The following NUP214 variants were observed in gnomAD, a reference collection of about 807,000 sequenced individuals.
NUP214 encodes nucleoporin 214, also known as nuclear pore complex protein Nup214.
NUP214 carries 79 observed loss-of-function variants against 196.2 expected under a neutral mutation model. The ratio of observed to expected loss-of-function variants is 0.40; its 90% CI spans 0.34 to 0.49. The LOEUF is 0.49. NUP214 is among the 20% of genes least tolerant of loss of function. The pLI is 0.58. For synonymous variants in NUP214, 1,020 were observed against 990.5 expected, an observed-to-expected ratio of 1.03 and a Z score of -0.56; for missense variants, 2,468 against 2,539.0, an observed-to-expected ratio of 0.97 and a Z score of 0.60.
At chr9:131,129,643 C>T (rs1043508832) in intron 4 of NUP214, among the ~76,000 whole-genome samples, 166 bp downstream of exon 4, 3 of 151,870 alleles carry the variant, frequency 2.0e-5, no homozygotes, top group Non-Finnish European at 4.4e-5. Flanking sequence ...CTCACTGTGT[C>T]GCCCAGGCTG....
At chr9:131,230,809 T>TC (rs1469301871) in intron 34 of NUP214, 40 bp downstream of exon 34, 2 of 1,596,570 alleles carry the variant, frequency 1.3e-6, no homozygotes. Flanking sequence ...GCAAAATGGG[T>TC]CCCTCTTGCC....
Position 131,139,255 on chromosome 9 carries a change from CTTTTTTTTTTTTTT to C in NUP214, c.1006-16_1006-3del, listed in dbSNP as rs200377608. On this transcript the variant is annotated splice_polypyrimidine_tract_variant and intron_variant, in intron 9 of 35. Coordinates refer to ENST00000359428, the MANE Select transcript of NUP214 (RefSeq NM_005085.4). The stretch of plus-strand genomic sequence containing the variant: ...CTTTTTCTTTTTTCTTCTTCTTCTT[CTTTTTTTTTTTTTT>C]TTTTTTTTTAGATTAATTGGGAATC... 3.8e-5 allele frequency: 41 copies of C among 1,093,060 alleles called. No individual in the cohort carries two copies. The South Asian group carries it at 3.8e-4, about 10-fold the overall frequency. The allele number at this position is 1,093,060 out of a possible 1,614,324, so 67.7% of individuals were successfully genotyped here.
chr9:131,223,727 A>ATTTATTTATTTATTTATTTATTTATTTT, intron 32 of NUP214, among the ~76,000 whole-genome samples: 1 of 15,660 alleles, frequency 6.4e-5, no homozygotes, highest in African/African-American at 1.5e-4. Flanking sequence ...TTATTTATTT[A>ATTTATTTATTTATTTATTTATTTATTTT]TTTTTTTTTT....
chr9:131,228,038 A>C, intron 32 of NUP214, 122 bp from the exon 33 acceptor site: 2 of 931,658 alleles, frequency 2.1e-6, no homozygotes, highest in Non-Finnish European at 3.0e-6. Context: ...TTGAATTGCT[A>C]ACATCCTCTT....
At chr9:131,196,300 A>G (rs1833789088) in intron 28 of NUP214, among the ~76,000 whole-genome samples, 1 of 151,750 alleles carries the variant, frequency 6.6e-6, no homozygotes, top group Non-Finnish European at 1.5e-5. Flanking sequence ...CTGGGATTAC[A>G]GGCGCCCACC....
At chr9:131,228,388 G>C (rs1254644285) in intron 33 of NUP214, 57 bp downstream of exon 33, 1 of 1,499,880 alleles carries the variant, frequency 6.7e-7, no homozygotes, top group Non-Finnish European at 8.9e-7. Flanking sequence ...AAGCACTAGG[G>C]GCCTGTACTC....
chr9:131,187,680 C>T (rs1833493122), intron 25 of NUP214, among the ~76,000 whole-genome samples: 1 of 152,214 alleles, frequency 6.6e-6, no homozygotes, highest in African/African-American at 2.4e-5. Flanking sequence ...AGCCACCGTA[C>T]CCGGCCTGAG....
rs1176857999 is a variant in NUP214, at chr9:131,233,697, T to A, written c.*210T>A. Reference sequence around the variant, plus strand: ...CCCTCCCACTATTAAACAGTCTGTTTCCGTACAGAACGTATGTGGGTTTTT... The same window carrying A: ...CCCTCCCACTATTAAACAGTCTGTTACCGTACAGAACGTATGTGGGTTTTT... On this transcript the variant is annotated 3_prime_UTR_variant, in exon 36 of 36. Transcript: ENST00000359428. 3.2e-6 allele frequency: 2 copies of A among 632,522 alleles called. No individual in the cohort carries two copies. Among genetic ancestry groups the A allele is most frequent in the African/African-American group, 3.6e-5 (2 of 55,734 alleles). 39.2% of individuals were successfully genotyped at this position (632,522 alleles called of 1,614,324 possible).
intron 24 of NUP214, among the ~76,000 whole-genome samples, chr9:131,183,908 CT>C (rs1398831217): frequency 2.0e-5 from 3 of 151,208 alleles, no homozygotes; most frequent in Admixed American, 6.6e-5. Flanking sequence ...ATGCATGCTG[CT>C]TTGTAAATTT....
chr9:131,128,294 C>CAT lies in NUP214; in HGVS notation c.242-36_242-35dup, dbSNP rs576649912. On this transcript the variant is annotated intron_variant, in intron 2 of 35. Coordinates refer to ENST00000359428, the MANE Select transcript of NUP214 (RefSeq NM_005085.4). Reference sequence around the variant, plus strand: ...AGAGGTTGTGGCTTTATGCTTAGAACATACCGTTTTCTGCTTTGTATTTTT... The same window carrying CAT: ...AGAGGTTGTGGCTTTATGCTTAGAACATATACCGTTTTCTGCTTTGTATTTTT... 1.5e-4 allele frequency: 238 copies of CAT among 1,590,710 alleles called. 2 individuals are homozygous for CAT. In the South Asian group the frequency reaches 1.8e-3, roughly 12 times the overall value.
intron 28 of NUP214, 144 bp from the exon 29 acceptor site, chr9:131,197,072 T>G: frequency 8.9e-7 from 1 of 1,126,112 alleles, no homozygotes; most frequent in Non-Finnish European, 1.3e-6. Flanking sequence ...TTCCACCTCC[T>G]TAGAGAAAGC....
At chr9:131,204,691 A>G (rs1165726165) in intron 30 of NUP214, among the ~76,000 whole-genome samples, 1 of 152,212 alleles carries the variant, frequency 6.6e-6, no homozygotes, top group Non-Finnish European at 1.5e-5. Flanking sequence ...ATCCTGTAGG[A>G]GAAAATCCAA....
At chr9:131,165,074 T>G (rs912544997) in intron 21 of NUP214, 1 of 152,168 alleles carries the variant, frequency 6.6e-6, no homozygotes, top group African/African-American at 2.4e-5. Flanking sequence ...TTTCTTTACC[T>G]AAAGAATACA....
chr9:131,210,031 C>T (rs1302456553), intron 30 of NUP214, among the ~76,000 whole-genome samples: 2 of 152,196 alleles, frequency 1.3e-5, no homozygotes, highest in African/African-American at 4.8e-5. Flanking sequence ...CAGATCAACC[C>T]TTAGTGAAAT....
intron 31 of NUP214, among the ~76,000 whole-genome samples, chr9:131,216,442 G>T: frequency 6.9e-6 from 1 of 145,542 alleles, no homozygotes; most frequent in Non-Finnish European, 1.5e-5. Context: ...TTAGCCAGGA[G>T]GTCTCGATCT....
rs528695111 is a variant in NUP214 at position 131,187,383 on chromosome 9, C to CTTTTTT, written c.3495+35_3495+40dup. ...CAAGCAGGTAACTTACTGATTTTTA[C>CTTTTTT]TTTTTTTTTTTTTTTTTTTTTGAGA... is the stretch of plus-strand genomic sequence containing the variant. On this transcript the variant is annotated intron_variant, in intron 25 of 35. Coordinates refer to ENST00000359428, the MANE Select transcript of NUP214 (RefSeq NM_005085.4). The CTTTTTT allele has an allele frequency of 9.4e-5, 99 of 1,056,438 alleles. No homozygotes were observed. The highest frequency in any genetic ancestry group is 2.3e-4 in the South Asian group (14 of 60,584). 65.4% of individuals were successfully genotyped at this position (1,056,438 alleles called of 1,614,324 possible).
At chr9:131,174,876 A>G (rs553322482) in intron 22 of NUP214, among the ~76,000 whole-genome samples, 20 of 152,330 alleles carry the variant, frequency 1.3e-4, no homozygotes, top group African/African-American at 4.6e-4. Flanking sequence ...TTTATGCGCT[A>G]TAACAGTTTT....
chr9:131,156,181 G>A (rs1832433987), intron 17 of NUP214, among the ~76,000 whole-genome samples: 1 of 145,554 alleles, frequency 6.9e-6, no homozygotes, highest in Admixed American at 6.9e-5. Context: ...CACCCAGGCT[G>A]GAGTACAGTG....
At chr9:131,155,009 C>T (rs893292611) in intron 17 of NUP214, among the ~76,000 whole-genome samples, 1 of 152,210 alleles carries the variant, frequency 6.6e-6, no homozygotes, top group Non-Finnish European at 1.5e-5. Context: ...GGTAGATACA[C>T]AGTAGTAGGA....
Sources: allele counts gnomAD v4.1 joint callset (sites outside exome capture counted in the v4.1 genomes callset), GRCh38; gene constraint gnomAD v4.1.1; transcripts MANE v1.5; gene names NCBI Gene and HGNC (gene_info 2026-07-23, HGNC 2026-07-21).